Variants in MAP4K4 observed in about 807,000 individuals in gnomAD.
MAP4K4 encodes the protein HPK/GCK-like kinase HGK.
A neutral mutation model predicts 189.6 loss-of-function variants in MAP4K4; 38 were observed. That is an observed-to-expected ratio of 0.20 (90% CI 0.15 to 0.26). MAP4K4 has a LOEUF of 0.26. Ranked by LOEUF, MAP4K4 falls within the 10% of genes least tolerant of loss-of-function variation. The probability of loss-of-function intolerance (pLI) is 1.00; values close to 1 mark genes in which losing one functional copy is unlikely to be tolerated. For synonymous variants in MAP4K4, 610 were observed against 624.3 expected (o/e 0.98, Z 0.34); for missense variants, 1,054 against 1,726.9 (o/e 0.61, Z 6.91).
intron 13 of MAP4K4, among the ~76,000 whole-genome samples, chr2:101,857,067 T>G (rs1037906757): frequency 6.6e-6 from 1 of 152,248 alleles, no homozygotes. Context: ...ATTCCACTTA[T>G]GTTTATACCT....
At chr2:101,704,092 C>A (rs17025961) in intron 2 of MAP4K4, among the ~76,000 whole-genome samples, 2,812 of 152,242 alleles carry the variant, frequency 0.018, 99 homozygotes, top group African/African-American at 0.064. Flanking sequence ...TAAGTGTTAT[C>A]TTTTAAGTGT....
intron 18 of MAP4K4, 87 bp from the exon 19 acceptor site, chr2:101,866,341 G>T: frequency 7.7e-7 from 1 of 1,302,540 alleles, no homozygotes; most frequent in Non-Finnish European, 1.1e-6. Context: ...TAAAGACATT[G>T]GATGGGCACA....
intron 30 of MAP4K4, 29 bp from the exon 31 acceptor site, chr2:101,887,749 C>A (rs2098509005): frequency 2.5e-6 from 4 of 1,573,416 alleles, no homozygotes; most frequent in African/African-American, 1.4e-5. Context: ...CACAGACGTT[C>A]TTCCCTGTAC....
intron 2 of MAP4K4, among the ~76,000 whole-genome samples, chr2:101,704,511 C>A (rs1425426344): frequency 2.6e-5 from 3 of 116,002 alleles, no homozygotes; most frequent in Non-Finnish European, 5.2e-5. Flanking sequence ...TTTTTCTTAA[C>A]CAATATTTTA....
chr2:101,700,872 ATC>A (rs1275978555), intron 2 of MAP4K4, among the ~76,000 whole-genome samples: 1 of 152,036 alleles, frequency 6.6e-6, no homozygotes, highest in East Asian at 1.9e-4. Context: ...ATAGCAGAAC[ATC>A]TCTTTTTTTC....
intron 2 of MAP4K4, among the ~76,000 whole-genome samples, chr2:101,727,025 A>G (rs1331090601): frequency 6.6e-6 from 1 of 151,944 alleles, no homozygotes; most frequent in East Asian, 1.9e-4. Flanking sequence ...CACCAGTCCC[A>G]CTCCCATGAT....
At chr2:101,733,493 C>T (rs1021522130) in intron 2 of MAP4K4, among the ~76,000 whole-genome samples, 1 of 152,126 alleles carries the variant, frequency 6.6e-6, no homozygotes, top group Admixed American at 6.5e-5. Context: ...TGAGCAGTGG[C>T]CATTAGGTGT....
intron 3 of MAP4K4, among the ~76,000 whole-genome samples, chr2:101,806,474 C>T (rs1041302200): frequency 1.8e-4 from 27 of 150,528 alleles, no homozygotes; most frequent in Non-Finnish European, 7.4e-5. Context: ...CTCCCAGGTT[C>T]AAGCATTTCT....
At chr2:101,864,034 G>A (rs2097749416) in exon 17 of MAP4K4, 1 of 1,364,492 alleles carries the variant, frequency 7.3e-7, no homozygotes. Flanking sequence ...ATCAGACAGT[G>A]ACGAGGTGCC....
exon 30 of MAP4K4, chr2:101,887,104 T>C (rs1429283590): frequency 1.3e-6 from 2 of 1,587,968 alleles, no homozygotes; most frequent in Non-Finnish European, 1.7e-6. Context: ...GGAGAATTGG[T>C]ACATAAGCCA....
At chr2:101,848,955 C>T (rs149819082) in intron 12 of MAP4K4, among the ~76,000 whole-genome samples, 32 of 152,166 alleles carry the variant, frequency 2.1e-4, no homozygotes, top group African/African-American at 6.5e-4. Flanking sequence ...CTCATGCAGC[C>T]GAGTTCGTAC....
chr2:101,863,690 G>A (rs2097734742), intron 16 of MAP4K4, 131 bp from the exon 17 acceptor site: 3 of 478,092 alleles, frequency 6.3e-6, no homozygotes, highest in Non-Finnish European at 1.2e-5. Context: ...TCACTGCGTG[G>A]CTGACCTAAC....
chr2:101,755,174 G>A lies in MAP4K4; in HGVS notation c.124-35546G>A, dbSNP rs143650647. ...AAAAAAATTAGTTTGTTGTTTTGAT[G>A]CCCCCTCCTCGCTTTTTTTTTTTTC... On this transcript the variant is annotated intron_variant, in intron 2 of 32. Coordinates refer to ENST00000324219, the Ensembl canonical transcript of MAP4K4. 6.2e-3 allele frequency among the ~76,000 whole-genome samples: 905 copies of A among 145,810 alleles called. 10 individuals carry two copies. The highest frequency in any genetic ancestry group is 0.022 in the African/African-American group (876 of 40,400).
At chr2:101,710,463 C>G (rs1404624450) in intron 2 of MAP4K4, among the ~76,000 whole-genome samples, 1 of 152,142 alleles carries the variant, frequency 6.6e-6, no homozygotes, top group Non-Finnish European at 1.5e-5. Flanking sequence ...CTCTGCTAGT[C>G]AAGATTTCCT....
chr2:101,705,211 A>C (rs1420969149), intron 2 of MAP4K4, among the ~76,000 whole-genome samples: 2 of 152,218 alleles, frequency 1.3e-5, no homozygotes, highest in East Asian at 3.8e-4. Flanking sequence ...GGGTGGTTTC[A>C]TGCAGGTACT....
At chr2:101,717,971 T>C (rs1400291876) in intron 2 of MAP4K4, among the ~76,000 whole-genome samples, 4 of 151,784 alleles carry the variant, frequency 2.6e-5, no homozygotes, top group Non-Finnish European at 4.4e-5. Flanking sequence ...AAAAAAGCTA[T>C]CTTGGCCAGG....
Position 101,798,030 on chromosome 2 carries a change from C to G in MAP4K4, c.180+7254C>G, listed in dbSNP as rs2093967552. The stretch of plus-strand genomic sequence containing the variant: ...AATTCCTAGACTCAAATGATCCCCC[C>G]CATCTCAGCCTCCTGAGTAGCTGGG... On this transcript the variant is annotated intron_variant, in intron 3 of 32. Coordinates refer to ENST00000324219, the Ensembl canonical transcript of MAP4K4. Among the ~76,000 whole-genome samples, 3 of 151,384 alleles carry G rather than the reference C, an allele frequency of 2.0e-5. No homozygotes were observed. The South Asian group carries it at 6.3e-4, about 32-fold the overall frequency.
At position 101,867,303 on chromosome 2, in the gene MAP4K4, G is replaced by A. The variant is rs1403338795; in HGVS notation, c.2448G>A (p.Lys816=). The change falls in exon 20 of 33, where the codon AAG becomes AAA. Residue 816 remains lysine (K), a synonymous_variant. Coordinates refer to ENST00000324219, the Ensembl canonical transcript of MAP4K4. Reference sequence around the variant, plus strand: ...AAAAGGAAGTTTTCAGACCCCTCAAGCCTGCTGTAAGGATTGTGCAGGATC... The same window carrying A: ...AAAAGGAAGTTTTCAGACCCCTCAAACCTGCTGTAAGGATTGTGCAGGATC... 3 of 1,603,906 alleles carry A rather than the reference G, an allele frequency of 1.9e-6. No individual in the cohort carries two copies. The East Asian group carries it at 6.7e-5, about 36-fold the overall frequency.
At chr2:101,761,959 T>C (rs1052943804) in intron 2 of MAP4K4, among the ~76,000 whole-genome samples, 2 of 152,110 alleles carry the variant, frequency 1.3e-5, no homozygotes, top group Non-Finnish European at 2.9e-5. Context: ...TGGAGAACAG[T>C]GGGTTAGGCT....
Sources: gnomAD v4.1 joint callset for allele counts (sites outside exome capture counted in the v4.1 genomes callset) on GRCh38, gnomAD v4.1.1 for gene constraint, MANE v1.5 for transcripts, NCBI Gene and HGNC (gene_info 2026-07-23, HGNC 2026-07-21) for gene names.